The following TLK2 variants were observed in gnomAD, a reference collection of about 807,000 sequenced individuals.
The protein encoded by TLK2 is serine/threonine-protein kinase tousled-like 2.
A neutral mutation model predicts 117.3 loss-of-function variants in TLK2; 6 were observed. The observed-to-expected ratio is 0.05, with a 90% CI of 0.03 to 0.10. The LOEUF is 0.10. TLK2 is among the 10% of genes least tolerant of loss of function. The pLI is 1.00. For missense variants in TLK2, 299 were observed against 901.2 expected (o/e 0.33, Z 8.56); for synonymous variants, 257 against 316.7 (o/e 0.81, Z 2.00).
At chr17:62,553,124 AC>A (rs754344638) in intron 8 of TLK2, among the ~76,000 whole-genome samples, 1 of 152,180 alleles carries the variant, frequency 6.6e-6, no homozygotes, top group South Asian at 2.1e-4. Flanking sequence ...TACCTTCAAG[AC>A]AGGATCGTTG....
chr17:62,586,085 C>T (rs537946677), intron 15 of TLK2, 50 bp from the exon 16 acceptor site: 22 of 1,393,612 alleles, frequency 1.6e-5, no homozygotes, highest in African/African-American at 4.4e-5. Flanking sequence ...CATCAGTTAC[C>T]TGTAATTTTT....
chr17:62,472,193 A>G (rs2070955827), intron 1 of TLK2, among the ~76,000 whole-genome samples: 1 of 151,496 alleles, frequency 6.6e-6, no homozygotes, highest in South Asian at 2.1e-4. Context: ...GGCGTGAGCC[A>G]CCGCGCCCAG....
At chr17:62,595,022 C>T (rs1459296155) in intron 16 of TLK2, among the ~76,000 whole-genome samples, 5 of 152,108 alleles carry the variant, frequency 3.3e-5, no homozygotes, top group African/African-American at 9.7e-5. Context: ...AGTGCCATGG[C>T]GCAGTCTCGC....
chr17:62,580,128 C>G lies in TLK2; in HGVS notation c.1304C>G (p.Thr435Arg), dbSNP rs764264488. The change falls in exon 15 of 22, where the codon ACG (threonine) becomes AGG (arginine). Residue 435 changes from threonine (T) to arginine (R), a missense_variant. By Grantham distance (71) the Thr-to-Arg change is moderately conservative (BLOSUM62 -1). Transcript: ENST00000346027. Reference protein sequence around the residue: ...EDNSQFKDHPTLNDRYLLLHL... With the variant: ...EDNSQFKDHPRLNDRYLLLHL... The stretch of plus-strand genomic sequence containing the variant: ...TTCCACAGATTTAAAGATCATCCAA[C>G]GCTAAATGACAGATATTTGTTGTTA... 1 of 1,612,454 alleles carries G rather than the reference C, an allele frequency of 6.2e-7. No homozygotes were observed. The highest frequency in any genetic ancestry group is 8.5e-7 in the Non-Finnish European group (1 of 1,179,198).
At chr17:62,512,221 T>G (rs1406578720) in intron 2 of TLK2, among the ~76,000 whole-genome samples, 1 of 141,966 alleles carries the variant, frequency 7.0e-6, no homozygotes, top group Non-Finnish European at 1.5e-5. Context: ...TCCTTTTTTT[T>G]TTTTTTTTTT....
At chr17:62,508,333 T>C (rs1020364939) in intron 2 of TLK2, 8 of 674,076 alleles carry the variant, frequency 1.2e-5, no homozygotes, top group African/African-American at 5.9e-5. Context: ...ACCACATAGT[T>C]AAACTTAAAT....
In TLK2 at chr17:62,484,210, AT is replaced by A. The variant is rs968219189; in HGVS notation, c.81+3014del. 4.7e-3 allele frequency among the ~76,000 whole-genome samples: 710 copies of A among 149,588 alleles called. 4 individuals carry two copies. Among genetic ancestry groups the A allele is most frequent in the Middle Eastern group, 0.017 (5 of 290 alleles). The stretch of plus-strand genomic sequence containing the variant: ...GTTATTTGAGGACTAGCAGGAGAGT[AT>A]TTTTTTTTTCCATAACAAAGAAACT... On this transcript the variant is annotated intron_variant, in intron 2 of 21. Transcript: ENST00000346027.
intron 16 of TLK2, among the ~76,000 whole-genome samples, chr17:62,596,243 G>A (rs2082471803): frequency 6.6e-6 from 1 of 151,880 alleles, no homozygotes; most frequent in Non-Finnish European, 1.5e-5. Flanking sequence ...GCCCAGCTAA[G>A]TTTTATATTT....
intron 20 of TLK2, among the ~76,000 whole-genome samples, chr17:62,606,443 A>G (rs2083305803): frequency 6.6e-6 from 1 of 152,236 alleles, no homozygotes. Context: ...TAGGGCACCT[A>G]ATGAGTTCTG....
chr17:62,511,207 G>C (rs2075117831), intron 2 of TLK2, among the ~76,000 whole-genome samples: 1 of 152,170 alleles, frequency 6.6e-6, no homozygotes, highest in Non-Finnish European at 1.5e-5. Flanking sequence ...AACCACTACA[G>C]TCAAGTTGCA....
upstream of TLK2, among the ~76,000 whole-genome samples, chr17:62,475,880 C>A (rs541972274): frequency 8.4e-4 from 127 of 151,662 alleles, no homozygotes; most frequent in African/African-American, 3.0e-3. Context: ...ACAGGATGGT[C>A]TCGACCTCCT....
chr17:62,572,674 G>C (rs887044059), intron 11 of TLK2, among the ~76,000 whole-genome samples: 1 of 152,128 alleles, frequency 6.6e-6, no homozygotes, highest in Non-Finnish European at 1.5e-5. Flanking sequence ...GTATCAGTGG[G>C]CGGGGTTGAC....
chr17:62,478,482 C>T (rs983706840), upstream of TLK2, among the ~76,000 whole-genome samples: 3 of 150,082 alleles, frequency 2.0e-5, no homozygotes, highest in African/African-American at 7.3e-5. Context: ...GTCCTCCGGG[C>T]CTCCGGCCTC....
At chr17:62,473,813 G>C (rs1208118047) in intron 1 of TLK2, among the ~76,000 whole-genome samples, 2 of 152,170 alleles carry the variant, frequency 1.3e-5, no homozygotes, top group Non-Finnish European at 2.9e-5. Flanking sequence ...TGGTAGTTAC[G>C]ACAGAGACAA....
At chr17:62,502,653 G>A (rs1402603686) in intron 2 of TLK2, among the ~76,000 whole-genome samples, 1 of 152,088 alleles carries the variant, frequency 6.6e-6, no homozygotes, top group African/African-American at 2.4e-5. Context: ...CTATAAAAAA[G>A]CTACTAGAAT....
chr17:62,530,001 G>A (rs188419534), intron 6 of TLK2, among the ~76,000 whole-genome samples: 1 of 152,158 alleles, frequency 6.6e-6, no homozygotes. Flanking sequence ...TCAGGAGTTC[G>A]AGACCAGCCT....
At chr17:62,520,988 C>T in intron 3 of TLK2, 144 bp downstream of exon 3, 1 of 885,424 alleles carries the variant, frequency 1.1e-6, no homozygotes, top group Non-Finnish European at 1.8e-6. Flanking sequence ...GCCTGGGCAA[C>T]ATAGTGAGAA....
At chr17:62,549,398 C>CAAAAAAAAAAAAAAAAAAAAA (rs777779302) in intron 7 of TLK2, among the ~76,000 whole-genome samples, 2 of 37,100 alleles carry the variant, frequency 5.4e-5, no homozygotes, top group African/African-American at 1.0e-4. Flanking sequence ...GACTCCATCT[C>CAAAAAAAAAAAAAAAAAAAAA]AAAAAAAAAA....
intron 6 of TLK2, among the ~76,000 whole-genome samples, chr17:62,529,745 A>G (rs531681743): frequency 8.5e-5 from 13 of 152,252 alleles, no homozygotes; most frequent in African/African-American, 3.1e-4. Context: ...CAGTTTAGAT[A>G]TATCATTGTT....
Sources: allele counts gnomAD v4.1 joint callset (sites outside exome capture counted in the v4.1 genomes callset), GRCh38; gene constraint gnomAD v4.1.1; transcripts MANE v1.5; gene names NCBI Gene and HGNC (gene_info 2026-07-23, HGNC 2026-07-21).